The following PPP3CC variants were observed in gnomAD, a reference collection of about 807,000 sequenced individuals.
The protein encoded by PPP3CC is protein phosphatase 3 catalytic subunit gamma.
In PPP3CC, 35 loss-of-function variants were observed where a neutral mutation model predicts 60.3. The ratio of observed to expected loss-of-function variants is 0.58; its 90% CI spans 0.44 to 0.77. The LOEUF (loss-of-function observed/expected upper bound fraction) is 0.77. Among genes scored for constraint, PPP3CC ranks in the 30% least tolerant of loss-of-function variants. The pLI, the probability that PPP3CC is intolerant of heterozygous loss-of-function variation, is 0.00. For synonymous variants in PPP3CC, 206 were observed against 224.3 expected (o/e 0.92, Z 0.73); for missense variants, 570 against 628.9 (o/e 0.91, Z 1.00).
intron 1 of PPP3CC, among the ~76,000 whole-genome samples, chr8:22,474,590 G>A (rs1338560411): frequency 6.6e-6 from 1 of 152,034 alleles, no homozygotes; most frequent in Non-Finnish European, 1.5e-5. Flanking sequence ...TGTAATCCCA[G>A]CTACTCAGAA....
At chr8:22,441,585 C>T (rs1836672714) in intron 1 of PPP3CC, 127 bp downstream of exon 1, 7 of 1,045,988 alleles carry the variant, frequency 6.7e-6, no homozygotes, top group Non-Finnish European at 8.8e-6. Context: ...GGGGTGTAGA[C>T]AGAGCCGGGC....
At position 22,449,873 on chromosome 8, in the gene PPP3CC, T is replaced by C. The variant is rs543484531; in HGVS notation, c.49+8415T>C. 3.3e-3 allele frequency among the ~76,000 whole-genome samples: 490 copies of C among 150,622 alleles called. 3 individuals are homozygous for C. The highest frequency in any genetic ancestry group is 0.011 in the African/African-American group (450 of 41,240). ...GACTGTTATTTTTTTCTTTTCTTTT[T>C]TTTTTTTTTTTCTGAGACAGAGTCT... On this transcript the variant is annotated intron_variant, in intron 1 of 13. Transcript: ENST00000240139.
chr8:22,451,413 G>A (rs1837021118), intron 1 of PPP3CC, among the ~76,000 whole-genome samples: 1 of 152,236 alleles, frequency 6.6e-6, no homozygotes, highest in African/African-American at 2.4e-5. Context: ...TGGGATTACA[G>A]GCGTGAGCCA....
chr8:22,461,264 G>A (rs935326992), intron 1 of PPP3CC, among the ~76,000 whole-genome samples: 3 of 152,152 alleles, frequency 2.0e-5, no homozygotes, highest in African/African-American at 7.2e-5. Flanking sequence ...TAAATACACA[G>A]TATAATAAAA....
At chr8:22,534,294 C>G (rs919473158) in intron 12 of PPP3CC, among the ~76,000 whole-genome samples, 1 of 151,316 alleles carries the variant, frequency 6.6e-6, no homozygotes, top group African/African-American at 2.4e-5. Flanking sequence ...TGGTGACTTA[C>G]ACCTGTTATC....
intron 12 of PPP3CC, among the ~76,000 whole-genome samples, chr8:22,533,609 G>T (rs918146893): frequency 1.3e-5 from 2 of 152,078 alleles, no homozygotes; most frequent in African/African-American, 4.8e-5. Context: ...CGGATCACCT[G>T]AGGTCAGGAG....
rs1189447760 is a variant in PPP3CC, at chr8:22,540,826, G to A, written c.*24G>A. 7.1e-6 allele frequency: 11 copies of A among 1,549,698 alleles called. No homozygotes were observed. The highest frequency in any genetic ancestry group is 4.1e-5 in the Admixed American group (2 of 48,272). On this transcript the variant is annotated 3_prime_UTR_variant, in exon 14 of 14. Transcript: ENST00000240139. The stretch of plus-strand genomic sequence containing the variant: ...GACTTAGAGTCCTGCCGTGGCTCAG[G>A]TGGATCTAAAACTCAAGAACAAATT...
chr8:22,540,548 CT>C (rs1239781701), intron 13 of PPP3CC, 66 bp from the exon 14 acceptor site: 9 of 1,499,352 alleles, frequency 6.0e-6, no homozygotes, highest in Middle Eastern at 2.5e-4. Context: ...TGCTAAGAAA[CT>C]TTTTTTAAGC....
At chr8:22,477,592 A>AT (rs1352880822) in intron 3 of PPP3CC, among the ~76,000 whole-genome samples, 6 of 152,204 alleles carry the variant, frequency 3.9e-5, no homozygotes, top group African/African-American at 1.4e-4. Flanking sequence ...GATTAGAAGA[A>AT]TACAAAAATT....
At chr8:22,505,189 G>A (rs1838878511) in intron 4 of PPP3CC, among the ~76,000 whole-genome samples, 1 of 151,926 alleles carries the variant, frequency 6.6e-6, no homozygotes, top group Non-Finnish European at 1.5e-5. Context: ...ACCACGCCTG[G>A]CTAATTTTTA....
intron 3 of PPP3CC, chr8:22,493,069 C>G: frequency 4.0e-6 from 6 of 1,515,064 alleles, no homozygotes; most frequent in Non-Finnish European, 5.5e-6. Flanking sequence ...GATGAGGCTT[C>G]CAAGATGGAG....
At chr8:22,531,277 T>G (rs1209128545) in intron 10 of PPP3CC, 2 of 1,525,202 alleles carry the variant, frequency 1.3e-6, no homozygotes, top group South Asian at 2.4e-5. Flanking sequence ...ATCTCCTTGT[T>G]TCTTGGTGTT....
chr8:22,525,491 C>CTTTCTTTCTTTCTTTCT (rs1188701681), intron 8 of PPP3CC, among the ~76,000 whole-genome samples: 3 of 128,550 alleles, frequency 2.3e-5, no homozygotes, highest in African/African-American at 9.1e-5. Context: ...GCTTCCTTTT[C>CTTTCTTTCTTTCTTTCT]TTCTTTCTTT....
intron 1 of PPP3CC, among the ~76,000 whole-genome samples, chr8:22,455,069 A>AG (rs1837155597): frequency 6.6e-6 from 1 of 151,768 alleles, no homozygotes; most frequent in African/African-American, 2.4e-5. Flanking sequence ...AAAAAAAAAA[A>AG]AAAAAGAAAG....
At chr8:22,465,908 T>C (rs1382248119) in intron 1 of PPP3CC, among the ~76,000 whole-genome samples, 1 of 152,154 alleles carries the variant, frequency 6.6e-6, no homozygotes, top group Non-Finnish European at 1.5e-5. Flanking sequence ...TACATAGGTA[T>C]ACATGTGCCA....
At chr8:22,504,615 G>A (rs998941011) in intron 4 of PPP3CC, among the ~76,000 whole-genome samples, 1 of 152,030 alleles carries the variant, frequency 6.6e-6, no homozygotes, top group Non-Finnish European at 1.5e-5. Flanking sequence ...GTTAATTTTT[G>A]ACATATCATT....
intron 1 of PPP3CC, among the ~76,000 whole-genome samples, chr8:22,452,822 T>A (rs1837075898): frequency 1.3e-5 from 2 of 152,204 alleles, no homozygotes; most frequent in African/African-American, 4.8e-5. Context: ...GCTATCATCA[T>A]CATCATCATA....
intron 8 of PPP3CC, among the ~76,000 whole-genome samples, chr8:22,525,548 CTCTCTCTCTCTT>C (rs1563780856): frequency 2.0e-5 from 2 of 98,496 alleles, no homozygotes; most frequent in Non-Finnish European, 2.3e-5. Flanking sequence ...CTCTCCCTCT[CTCTCTCTCTCTT>C]TCTTTCTCTC....
At chr8:22,539,671 C>A (rs527302560) in intron 13 of PPP3CC, among the ~76,000 whole-genome samples, 173 bp downstream of exon 13, 1 of 152,318 alleles carries the variant, frequency 6.6e-6, no homozygotes, top group African/African-American at 2.4e-5. Context: ...TGTGTCCTAT[C>A]TTTGCATTAA....
Sources: gnomAD v4.1 joint callset for allele counts (sites outside exome capture counted in the v4.1 genomes callset) on GRCh38, gnomAD v4.1.1 for gene constraint, MANE v1.5 for transcripts, NCBI Gene and HGNC (gene_info 2026-07-23, HGNC 2026-07-21) for gene names.